Variants in ZFHX3 observed in about 807,000 individuals in gnomAD.
ZFHX3 encodes zinc finger homeobox 3.
A neutral mutation model predicts 279.1 loss-of-function variants in ZFHX3; 42 were observed. The ratio of observed to expected loss-of-function variants is 0.15; its 90% CI spans 0.12 to 0.19. The LOEUF (loss-of-function observed/expected upper bound fraction) is 0.19. ZFHX3 is among the 10% of genes least tolerant of loss of function. The pLI is 1.00. For missense variants in ZFHX3, 4,981 were observed against 4,754.0 expected, an observed-to-expected ratio of 1.05 and a Z score of -1.40; for synonymous variants, 2,293 against 1,957.8, an observed-to-expected ratio of 1.17 and a Z score of -4.52.
At chr16:73,165,013 T>A (rs1230088218) in intron 5 of ZFHX3, among the ~76,000 whole-genome samples, 1 of 152,210 alleles carries the variant, frequency 6.6e-6, no homozygotes, top group East Asian at 1.9e-4. Context: ...TGGGGATGCA[T>A]AATTTTGAAT....
chr16:73,348,561 C>G (rs1393049538), intron 3 of ZFHX3, among the ~76,000 whole-genome samples: 2 of 152,204 alleles, frequency 1.3e-5, no homozygotes, highest in Admixed American at 6.5e-5. Context: ...ATGGGCTTCA[C>G]CCGGAGAGCT....
intron 2 of ZFHX3, among the ~76,000 whole-genome samples, chr16:73,524,917 C>G (rs1324769063): frequency 6.6e-6 from 1 of 152,172 alleles, no homozygotes; most frequent in Non-Finnish European, 1.5e-5. Context: ...AGCAATTAAA[C>G]AGAAGCTCTT....
At chr16:73,739,049 G>C (rs548185481) in intron 1 of ZFHX3, among the ~76,000 whole-genome samples, 2 of 152,120 alleles carry the variant, frequency 1.3e-5, no homozygotes, top group South Asian at 2.1e-4. Context: ...CTGTCCCTCG[G>C]ACAAGGAGCG....
chr16:72,815,072 G>T (rs762888900), intron 5 of ZFHX3, among the ~76,000 whole-genome samples: 1 of 152,070 alleles, frequency 6.6e-6, no homozygotes, highest in African/African-American at 2.4e-5. Context: ...TCAAGACATC[G>T]TACCAAAGTC....
chr16:73,018,082 C>T (rs1964168184), intron 1 of ZFHX3, among the ~76,000 whole-genome samples: 2 of 151,588 alleles, frequency 1.3e-5, no homozygotes, highest in South Asian at 4.2e-4. Context: ...ATTTCCCAGG[C>T]TCAAGCAATC....
rs1237043880 is a variant in ZFHX3, at chr16:72,783,615, A to AT, written c.*3548dup. On this transcript the variant is annotated 3_prime_UTR_variant, in exon 10 of 10. Coordinates refer to ENST00000268489, the MANE Select transcript of ZFHX3 (RefSeq NM_006885.4). ...AAAAAAAAATTCCTAGATGTATTAA[A>AT]TTTTTCCTTGTGTAGATATGTGGTT... is the stretch of plus-strand genomic sequence containing the variant. The AT allele has an allele frequency of 6.6e-6, 1 of 152,132 alleles. No homozygotes were observed. Among genetic ancestry groups the AT allele is most frequent in the Non-Finnish European group, 1.5e-5 (1 of 68,020 alleles). The allele number at this position is 152,132 out of a possible 1,614,324, so 9.4% of individuals were successfully genotyped here.
At position 73,076,868 on chromosome 16, in the gene ZFHX3, T is replaced by C. The variant is rs566068695; in HGVS notation, c.-533+16367A>G. Among the ~76,000 whole-genome samples, 3 of 150,776 alleles carry C rather than the reference T, an allele frequency of 2.0e-5. No individual in the cohort carries two copies. In the South Asian group the frequency reaches 6.3e-4, roughly 31 times the overall value. On this transcript the variant is annotated intron_variant, in intron 8 of 17. Coordinates refer to the ZFHX3 transcript ENST00000641206. ...CATTAACTTTATTTTATAAAATATGTGTGTGTGTATATATATATGTATACG... is the reference window on the plus strand; with the variant it reads ...CATTAACTTTATTTTATAAAATATGCGTGTGTGTATATATATATGTATACG...
intron 2 of ZFHX3, among the ~76,000 whole-genome samples, chr16:73,651,825 A>C (rs1346606784): frequency 6.8e-6 from 1 of 147,690 alleles, no homozygotes; most frequent in Admixed American, 6.8e-5. Flanking sequence ...ACTGCACTCC[A>C]GCCTGGGTGA....
Position 72,786,486 on chromosome 16 carries a change from C to CCTTA in ZFHX3, c.*674_*677dup, listed in dbSNP as rs1014351009. 3 of 145,820 alleles carry CCTTA rather than the reference C, an allele frequency of 2.1e-5. No homozygotes were observed. The highest frequency in any genetic ancestry group is 7.6e-5 in the African/African-American group (3 of 39,368). 9.0% of individuals were successfully genotyped at this position (145,820 alleles called of 1,614,324 possible). A position where few individuals can be genotyped will look rare whatever the true frequency, so the allele number is the denominator to read the frequency against. On this transcript the variant is annotated 3_prime_UTR_variant, in exon 10 of 10. Coordinates refer to ENST00000268489, the MANE Select transcript of ZFHX3 (RefSeq NM_006885.4). ...AAATTGGCTTCAGCAGAAAAGCTAT[C>CCTTA]CTTAAAAATCCCCAGAAAGCTAAAG...
intron 1 of ZFHX3, among the ~76,000 whole-genome samples, chr16:73,040,181 A>C (rs1477067872): frequency 2.6e-5 from 4 of 152,126 alleles, no homozygotes; most frequent in Non-Finnish European, 5.9e-5. Context: ...ATGCCTGACC[A>C]CACAGGCTAG....
chr16:72,919,550 A>C (rs773478546), intron 3 of ZFHX3, among the ~76,000 whole-genome samples: 1 of 149,570 alleles, frequency 6.7e-6, no homozygotes, highest in Non-Finnish European at 1.5e-5. Context: ...TATTTTTAAG[A>C]AAGATCTGTT....
intron 5 of ZFHX3, among the ~76,000 whole-genome samples, chr16:73,161,643 A>C (rs938307616): frequency 6.6e-6 from 1 of 152,150 alleles, no homozygotes; most frequent in Admixed American, 6.5e-5. Context: ...CTTGTTAAAC[A>C]CTGTCTCACC....
At chr16:72,899,912 T>C (rs2038989845) in intron 3 of ZFHX3, among the ~76,000 whole-genome samples, 1 of 152,162 alleles carries the variant, frequency 6.6e-6, no homozygotes, top group African/African-American at 2.4e-5. Flanking sequence ...AACATACCTA[T>C]TTGTTATTTC....
intron 2 of ZFHX3, among the ~76,000 whole-genome samples, chr16:73,638,980 A>G: frequency 6.6e-6 from 1 of 152,346 alleles, no homozygotes; most frequent in South Asian, 2.1e-4. Context: ...GCAAAAGAAA[A>G]ACAAAGGAAG....
chr16:73,408,552 T>A (rs1420045633), intron 3 of ZFHX3, among the ~76,000 whole-genome samples: 2 of 152,116 alleles, frequency 1.3e-5, no homozygotes, highest in Non-Finnish European at 2.9e-5. Context: ...TCCATATGTG[T>A]CAATTGTCTG....
At chr16:72,822,242 C>T (rs2036811612) in intron 5 of ZFHX3, among the ~76,000 whole-genome samples, 1 of 152,226 alleles carries the variant, frequency 6.6e-6, no homozygotes, top group African/African-American at 2.4e-5. Context: ...TAACCATAAA[C>T]AGCTGACAAA....
chr16:72,974,178 T>C (rs1962239157), intron 1 of ZFHX3, among the ~76,000 whole-genome samples: 2 of 152,206 alleles, frequency 1.3e-5, no homozygotes, highest in Admixed American at 6.5e-5. Flanking sequence ...TAAGTTTTCT[T>C]TTATTCACAT....
At chr16:73,597,066 C>G (rs2143853914) in intron 2 of ZFHX3, among the ~76,000 whole-genome samples, 1 of 152,270 alleles carries the variant, frequency 6.6e-6, no homozygotes, top group East Asian at 1.9e-4. Flanking sequence ...GTACTGTTCT[C>G]CAGTCAACCT....
chr16:72,863,217 T>C (rs2037926684), intron 4 of ZFHX3, among the ~76,000 whole-genome samples: 1 of 151,726 alleles, frequency 6.6e-6, no homozygotes, highest in Admixed American at 6.6e-5. Context: ...AAAAGAGAGA[T>C]ACAGGTCAGG....
Sources: gnomAD v4.1 joint callset for allele counts (sites outside exome capture counted in the v4.1 genomes callset) on GRCh38, gnomAD v4.1.1 for gene constraint, MANE v1.5 for transcripts, NCBI Gene and HGNC (gene_info 2026-07-23, HGNC 2026-07-21) for gene names.